Variants in CDH11 observed in about 807,000 individuals in gnomAD.
CDH11 encodes cadherin 11, also known as cadherin-11.
In CDH11, 11 loss-of-function variants were observed where a neutral mutation model predicts 67.8. That is an observed-to-expected ratio of 0.16 (90% CI 0.10 to 0.27). CDH11 has a LOEUF of 0.27. Ranked by LOEUF, CDH11 falls within the 10% of genes least tolerant of loss-of-function variation. The pLI, the probability that CDH11 is intolerant of heterozygous loss-of-function variation, is 1.00. For missense variants in CDH11, 847 were observed against 1,031.2 expected, an observed-to-expected ratio of 0.82 and a Z score of 2.45; for synonymous variants, 419 against 400.0, an observed-to-expected ratio of 1.05 and a Z score of -0.57.
chr16:64,972,075 A>G lies in CDH11; in HGVS notation c.1391-11T>C, dbSNP rs2072021167. The G allele has an allele frequency of 6.2e-7, 1 of 1,612,952 alleles. No homozygotes were observed. The highest frequency in any genetic ancestry group is 1.1e-5 in the South Asian group (1 of 91,030). On this transcript the variant is annotated splice_polypyrimidine_tract_variant and intron_variant, in intron 9 of 12. Transcript: ENST00000268603. Reference sequence around the variant, plus strand: ...CCTGATGCCGATTGTCTGGGAAGACAGAATGCAGACAGTCAAGAAAGGTCA... The same window carrying G: ...CCTGATGCCGATTGTCTGGGAAGACGGAATGCAGACAGTCAAGAAAGGTCA...
intron 2 of CDH11, among the ~76,000 whole-genome samples, chr16:65,019,078 T>A (rs2142571453): frequency 6.6e-6 from 1 of 152,336 alleles, no homozygotes; most frequent in African/African-American, 2.4e-5. Context: ...AACACATTTA[T>A]ACAAATAAAA....
At chr16:65,122,143 GGC>G, upstream of CDH11, 20 of 510,740 alleles carry the variant, frequency 3.9e-5, no homozygotes, top group South Asian at 6.6e-5. Context: ...GGGCGGGGGG[GGC>G]GGGAGGAGGG....
intron 2 of CDH11, among the ~76,000 whole-genome samples, chr16:65,020,230 G>T (rs879466572): frequency 6.6e-6 from 1 of 152,160 alleles, no homozygotes; most frequent in Non-Finnish European, 1.5e-5. Flanking sequence ...ATTATCAAAA[G>T]ACAATGAAGC....
intron 1 of CDH11, among the ~76,000 whole-genome samples, chr16:65,060,864 T>C (rs965147053): frequency 1.3e-5 from 2 of 152,254 alleles, no homozygotes; most frequent in South Asian, 4.1e-4. Context: ...GATGCCCACA[T>C]TCCACATTTA....
At chr16:64,948,510 A>G (rs566256057) in intron 12 of CDH11, 1 of 992,178 alleles carries the variant, frequency 1.0e-6, no homozygotes, top group Admixed American at 2.0e-5. Flanking sequence ...GGACATGCAG[A>G]GCCCTTAGGG....
intron 11 of CDH11, among the ~76,000 whole-genome samples, chr16:64,958,479 T>C (rs2071581384): frequency 6.6e-6 from 1 of 152,206 alleles, no homozygotes; most frequent in African/African-American, 2.4e-5. Flanking sequence ...AACGCTGTTG[T>C]TTGTTACTTT....
chr16:65,105,320 T>G (rs1375010333), intron 1 of CDH11, among the ~76,000 whole-genome samples: 3 of 152,148 alleles, frequency 2.0e-5, no homozygotes, highest in African/African-American at 2.4e-5. Flanking sequence ...TGGGAAATAT[T>G]CCCAGCTGGG....
Position 64,957,247 on chromosome 16 carries a change from T to C in CDH11, c.1643-6229A>G, listed in dbSNP as rs1198539320. 2.0e-5 allele frequency among the ~76,000 whole-genome samples: 3 copies of C among 152,152 alleles called. No individual in the cohort carries two copies. In the East Asian group the frequency reaches 5.8e-4, roughly 30 times the overall value. On this transcript the variant is annotated intron_variant, in intron 11 of 12. Coordinates refer to ENST00000268603, the MANE Select transcript of CDH11 (RefSeq NM_001797.4). ...GCTAAACAATCCTCACAGCTTGACC[T>C]GATCAGAGACATTCTATCTTATGAA...
At chr16:64,965,869 G>A (rs2071811110) in intron 11 of CDH11, among the ~76,000 whole-genome samples, 1 of 151,008 alleles carries the variant, frequency 6.6e-6, no homozygotes, top group Non-Finnish European at 1.5e-5. Context: ...GGAACAAGAG[G>A]GAGAAATTAG....
chr16:64,980,756 G>A (rs1488135036), intron 8 of CDH11, among the ~76,000 whole-genome samples: 2 of 152,180 alleles, frequency 1.3e-5, no homozygotes, highest in African/African-American at 4.8e-5. Flanking sequence ...ATGTTTGGAT[G>A]TGCATTGTAT....
intron 1 of CDH11, among the ~76,000 whole-genome samples, chr16:65,067,033 G>C (rs1204831669): frequency 6.6e-6 from 1 of 152,158 alleles, no homozygotes; most frequent in Non-Finnish European, 1.5e-5. Context: ...AGGGGCTGTG[G>C]TGTGGTGGGG....
At chr16:65,028,933 G>C (rs2142610675) in intron 2 of CDH11, among the ~76,000 whole-genome samples, 1 of 152,166 alleles carries the variant, frequency 6.6e-6, no homozygotes, top group East Asian at 1.9e-4. Flanking sequence ...TAGGGGCAGG[G>C]GAAAATAGGG....
At chr16:64,960,100 A>G (rs1022308097) in intron 11 of CDH11, among the ~76,000 whole-genome samples, 8 of 152,182 alleles carry the variant, frequency 5.3e-5, no homozygotes, top group Admixed American at 2.6e-4. Flanking sequence ...AATACATTAG[A>G]GGGTCATCTC....
chr16:64,953,162 C>T (rs1174834378), intron 11 of CDH11, among the ~76,000 whole-genome samples: 1 of 151,602 alleles, frequency 6.6e-6, no homozygotes, highest in Non-Finnish European at 1.5e-5. Flanking sequence ...TGTTTTTCTC[C>T]CCAAATATAT....
intron 2 of CDH11, among the ~76,000 whole-genome samples, chr16:65,045,171 T>C (rs189734979): frequency 4.8e-4 from 73 of 151,808 alleles, no homozygotes; most frequent in African/African-American, 1.7e-3. Flanking sequence ...GCAGAAATTC[T>C]GAAAAGTGTT....
chr16:65,004,545 C>T, intron 3 of CDH11, 97 bp downstream of exon 3: 1 of 1,286,824 alleles, frequency 7.8e-7, no homozygotes. Flanking sequence ...GGTGTTTTCT[C>T]TCTTAGATGC....
chr16:64,953,184 T>C (rs1300990814), intron 11 of CDH11, among the ~76,000 whole-genome samples: 1 of 151,936 alleles, frequency 6.6e-6, no homozygotes, highest in Non-Finnish European at 1.5e-5. Flanking sequence ...TGATGTTTGG[T>C]TGGCTGAATT....
intron 2 of CDH11, among the ~76,000 whole-genome samples, chr16:65,017,540 AGTAAGT>A (rs1049685130): frequency 1.3e-5 from 2 of 152,202 alleles, no homozygotes; most frequent in Non-Finnish European, 2.9e-5. Flanking sequence ...GAAAATGTTG[AGTAAGT>A]GTACCCTGTA....
At chr16:65,003,016 T>C (rs995476828) in intron 3 of CDH11, among the ~76,000 whole-genome samples, 19 of 150,734 alleles carry the variant, frequency 1.3e-4, no homozygotes, top group Non-Finnish European at 2.2e-4. Context: ...TAGTTTACAT[T>C]TTGCCTAGCA....
Sources: gnomAD v4.1 joint callset for allele counts (sites outside exome capture counted in the v4.1 genomes callset) on GRCh38, gnomAD v4.1.1 for gene constraint, MANE v1.5 for transcripts, NCBI Gene and HGNC (gene_info 2026-07-23, HGNC 2026-07-21) for gene names.